The following NBEAL1 variants were observed in gnomAD, a reference collection of about 807,000 sequenced individuals.
NBEAL1 encodes neurobeachin like 1.
Under a neutral mutation model 351.3 loss-of-function variants are expected in NBEAL1, and 273 were observed. The observed-to-expected ratio is 0.78, with a 90% CI of 0.70 to 0.86. The LOEUF (loss-of-function observed/expected upper bound fraction) is 0.86, where lower values mean the gene tolerates loss of function less well. Among genes scored for constraint, NBEAL1 ranks in the 40% least tolerant of loss-of-function variants. The pLI is 0.00. For missense variants in NBEAL1, 2,961 were observed against 3,201.3 expected, an observed-to-expected ratio of 0.92 and a Z score of 1.81; for synonymous variants, 1,050 against 1,086.4, an observed-to-expected ratio of 0.97 and a Z score of 0.66.
chr2:203,147,501 C>A (rs1680037884), intron 33 of NBEAL1, among the ~76,000 whole-genome samples: 1 of 151,898 alleles, frequency 6.6e-6, no homozygotes, highest in Non-Finnish European at 1.5e-5. Flanking sequence ...CTAAAAAACA[C>A]TTGAAACAGA....
intron 2 of NBEAL1, among the ~76,000 whole-genome samples, chr2:203,025,296 A>C (rs2060838886): frequency 6.6e-6 from 1 of 152,252 alleles, no homozygotes; most frequent in South Asian, 2.1e-4. Flanking sequence ...AATATGCTTA[A>C]AGTAATTTAA....
rs1258121463 is a variant in NBEAL1 at position 203,136,613 on chromosome 2, G to A, written c.4404G>A (p.Glu1468=). 1.2e-6 allele frequency: 2 copies of A among 1,609,400 alleles called. No individual in the cohort carries two copies. Among genetic ancestry groups the A allele is most frequent in the African/African-American group, 2.7e-5 (2 of 74,782 alleles). The change falls in exon 29 of 56, where the codon GAG becomes GAA. Residue 1468 remains glutamate, a synonymous_variant. Transcript: ENST00000683969. ...ATTTTCCATAGAGATGTGAGGAGGA[G>A]CTTCTTCAATTACTGACACATATTT... is the stretch of plus-strand genomic sequence containing the variant. ...LLESQERCEE[E]LLQLLTHILN...
intron 51 of NBEAL1, among the ~76,000 whole-genome samples, chr2:203,206,191 A>G (rs1456509121): frequency 1.3e-5 from 2 of 152,274 alleles, no homozygotes; most frequent in South Asian, 4.1e-4. Flanking sequence ...CATTATAAGA[A>G]GAAAACGAAG....
intron 49 of NBEAL1, among the ~76,000 whole-genome samples, chr2:203,200,165 G>A (rs915716500): frequency 2.6e-5 from 4 of 152,010 alleles, no homozygotes; most frequent in African/African-American, 9.7e-5. Flanking sequence ...ACCACCTGAG[G>A]TCAGAAGTTC....
rs1472077649 is a variant in NBEAL1 at position 203,112,096 on chromosome 2, GAAGT to G, written c.2202+4_2202+7del. ...CCCTCTCAGATTTCCTGCCATGAAT[GAAGT>G]AAGTATATCCAACCTACTCTTTACG... On this transcript the variant is annotated splice_donor_variant and coding_sequence_variant, in exon 16 of 56. Coordinates refer to ENST00000683969, the MANE Select transcript of NBEAL1 (RefSeq NM_001378026.1). LOFTEE classifies it high-confidence loss of function. 2 of 1,551,430 alleles carry G rather than the reference GAAGT, an allele frequency of 1.3e-6. No homozygotes were observed. Among genetic ancestry groups the G allele is most frequent in the South Asian group, 1.2e-5 (1 of 83,636 alleles).
At chr2:203,129,299 G>T (rs1324011461) in intron 24 of NBEAL1, among the ~76,000 whole-genome samples, 1 of 151,988 alleles carries the variant, frequency 6.6e-6, no homozygotes, top group Non-Finnish European at 1.5e-5. Context: ...AGCCATTTTT[G>T]TGCTCTTCTG....
intron 18 of NBEAL1, among the ~76,000 whole-genome samples, chr2:203,121,627 G>C (rs1471551159): frequency 6.6e-6 from 1 of 150,400 alleles, no homozygotes; most frequent in South Asian, 2.1e-4. Flanking sequence ...ACTCTAGCCT[G>C]GGTGACAAGA....
chr2:203,211,238 G>A lies in NBEAL1; in HGVS notation c.7934+132G>A, dbSNP rs1204089459. 4 of 588,042 alleles carry A rather than the reference G, an allele frequency of 6.8e-6. No homozygotes were observed. In the Admixed American group the frequency reaches 1.7e-4, roughly 25 times the overall value. 36.4% of individuals were successfully genotyped at this position (588,042 alleles called of 1,614,324 possible). A position where few individuals can be genotyped will look rare whatever the true frequency, so the allele number is the denominator to read the frequency against. On this transcript the variant is annotated intron_variant, in intron 54 of 55. Coordinates refer to ENST00000683969, the MANE Select transcript of NBEAL1 (RefSeq NM_001378026.1). ...ATTATAAAAGTTTCTCTTTTAGCAA[G>A]TATAAAAAATTGGAGGAGCTAAAGT...
intron 23 of NBEAL1, among the ~76,000 whole-genome samples, chr2:203,127,238 T>C (rs1185336543): frequency 2.6e-5 from 4 of 152,348 alleles, no homozygotes; most frequent in Non-Finnish European, 5.9e-5. Flanking sequence ...AATTAGTTAA[T>C]AATGTAAAAC....
At chr2:203,126,803 C>A (rs1222720952) in intron 22 of NBEAL1, 21 bp from the exon 23 acceptor site, 1 of 1,542,208 alleles carries the variant, frequency 6.5e-7, no homozygotes, top group Non-Finnish European at 8.8e-7. Context: ...GAATTACTTA[C>A]CATTGAACTT....
intron 10 of NBEAL1, among the ~76,000 whole-genome samples, chr2:203,094,738 G>A (rs558540603): frequency 1.7e-4 from 26 of 152,238 alleles, no homozygotes; most frequent in Middle Eastern, 3.4e-3. Context: ...TGAACCTTAA[G>A]CATTTATCAG....
At chr2:203,117,948 C>T (rs1245719387) in intron 18 of NBEAL1, among the ~76,000 whole-genome samples, 2 of 151,930 alleles carry the variant, frequency 1.3e-5, no homozygotes, top group South Asian at 2.1e-4. Context: ...TTCAGCTTCG[C>T]GAAGTGTTGG....
chr2:203,217,506 T>G lies in NBEAL1; in HGVS notation c.*152T>G. ...CAATTTGCTGTGGTATATAAACTAATTCTTGGTCTATACTAAGATGTATTT... is the reference window on the plus strand; with the variant it reads ...CAATTTGCTGTGGTATATAAACTAAGTCTTGGTCTATACTAAGATGTATTT... On this transcript the variant is annotated 3_prime_UTR_variant, in exon 56 of 56. Transcript: ENST00000683969. 7.8e-7 allele frequency: 1 copy of G among 1,282,416 alleles called. No homozygotes were observed. Among genetic ancestry groups the G allele is most frequent in the Non-Finnish European group, 9.9e-7 (1 of 1,012,802 alleles). 79.4% of individuals were successfully genotyped at this position (1,282,416 alleles called of 1,614,324 possible).
At chr2:203,102,562 A>G (rs1046955834) in intron 12 of NBEAL1, among the ~76,000 whole-genome samples, 1 of 152,150 alleles carries the variant, frequency 6.6e-6, no homozygotes, top group Admixed American at 6.6e-5. Context: ...CTATTGAGAT[A>G]ATCTTGTGGT....
At chr2:203,083,603 G>A in intron 9 of NBEAL1, 78 bp downstream of exon 9, 2 of 1,117,588 alleles carry the variant, frequency 1.8e-6, no homozygotes, top group Non-Finnish European at 2.5e-6. Context: ...GAAATACAAG[G>A]CCATTGTATG....
Position 203,122,238 on chromosome 2 carries a change from T to C in NBEAL1, c.2593-16T>C. On this transcript the variant is annotated splice_polypyrimidine_tract_variant and intron_variant, in intron 18 of 55. Coordinates refer to ENST00000683969, the MANE Select transcript of NBEAL1 (RefSeq NM_001378026.1). ...GTTCTAATTGGTTGTTTGCCATATTTTTCTTTTATTCTTAGGCCTGCAAAA... is the reference window on the plus strand; with the variant it reads ...GTTCTAATTGGTTGTTTGCCATATTCTTCTTTTATTCTTAGGCCTGCAAAA... 1 of 1,445,300 alleles carries C rather than the reference T, an allele frequency of 6.9e-7. No individual in the cohort carries two copies. The highest frequency in any genetic ancestry group is 9.3e-7 in the Non-Finnish European group (1 of 1,070,922). The allele number at this position is 1,445,300 out of a possible 1,614,324, so 89.5% of individuals were successfully genotyped here.
intron 18 of NBEAL1, among the ~76,000 whole-genome samples, chr2:203,116,878 G>A (rs959255457): frequency 1.3e-5 from 2 of 151,876 alleles, no homozygotes; most frequent in Non-Finnish European, 2.9e-5. Context: ...GAGGTGGGCG[G>A]ATCACCTGAG....
chr2:203,134,557 A>G (rs1384653715), intron 27 of NBEAL1, among the ~76,000 whole-genome samples: 1 of 152,156 alleles, frequency 6.6e-6, no homozygotes, highest in Non-Finnish European at 1.5e-5. Context: ...CAGAGCTAAA[A>G]CTTCTGTTAA....
At chr2:203,086,757 A>G (rs567098904) in intron 10 of NBEAL1, among the ~76,000 whole-genome samples, 1 of 152,038 alleles carries the variant, frequency 6.6e-6, no homozygotes, top group East Asian at 1.9e-4. Context: ...TTGGTCTTGA[A>G]CTCCTGACCT....
Sources: allele counts gnomAD v4.1 joint callset (sites outside exome capture counted in the v4.1 genomes callset), GRCh38; gene constraint gnomAD v4.1.1; transcripts MANE v1.5; gene names NCBI Gene and HGNC (gene_info 2026-07-23, HGNC 2026-07-21).